FNDC3A: variants seen among roughly 807,000 people sequenced by gnomAD.
FNDC3A encodes fibronectin type III domain containing 3A.
FNDC3A carries 32 observed loss-of-function variants against 148.9 expected under a neutral mutation model. The observed-to-expected ratio is 0.21, with a 90% CI of 0.16 to 0.29. FNDC3A has a LOEUF of 0.29. FNDC3A is among the 10% of genes least tolerant of loss of function. The pLI, the probability that FNDC3A is intolerant of heterozygous loss-of-function variation, is 1.00. For synonymous variants in FNDC3A, 472 were observed against 473.6 expected (o/e 1.00, Z 0.04); for missense variants, 1,191 against 1,452.8 (o/e 0.82, Z 2.93).
At chr13:49,197,904 C>T (rs753685706) in intron 21 of FNDC3A, 30 bp downstream of exon 21, 4 of 1,590,480 alleles carry the variant, frequency 2.5e-6, no homozygotes, top group East Asian at 2.2e-5. Flanking sequence ...TGTCACTTAA[C>T]TCTATCCAGA....
At chr13:48,977,917 C>G (rs895204191) in intron 1 of FNDC3A, among the ~76,000 whole-genome samples, 41 of 151,976 alleles carry the variant, frequency 2.7e-4, no homozygotes, top group Admixed American at 1.9e-3. Context: ...GGCTGGCTAC[C>G]GTTAGCCACC....
At chr13:49,152,669 T>G (rs1308480732) in intron 8 of FNDC3A, among the ~76,000 whole-genome samples, 13 of 51,386 alleles carry the variant, frequency 2.5e-4, no homozygotes, top group Non-Finnish European at 5.0e-4. Flanking sequence ...CCCTCCCCCC[T>G]ACCCCCACCC....
Position 49,209,656 on chromosome 13 carries a change from A to G in FNDC3A, c.*2261A>G, listed in dbSNP as rs1263796210. 6.6e-6 allele frequency: 1 copy of G among 152,584 alleles called. No homozygotes were observed. Among genetic ancestry groups the G allele is most frequent in the Non-Finnish European group, 1.5e-5 (1 of 68,034 alleles). 9.5% of individuals were successfully genotyped at this position (152,584 alleles called of 1,614,324 possible). A position where few individuals can be genotyped will look rare whatever the true frequency, so the allele number is the denominator to read the frequency against. On this transcript the variant is annotated 3_prime_UTR_variant, in exon 26 of 26. Coordinates refer to ENST00000492622, the MANE Select transcript of FNDC3A (RefSeq NM_001079673.2). The stretch of plus-strand genomic sequence containing the variant: ...TACCTGTTTAAGAAAGTGAAATGTT[A>G]TGGTCTCCCCTCTTCCAATGAGCTT...
chr13:49,114,914 C>G (rs1880836626), intron 4 of FNDC3A, among the ~76,000 whole-genome samples, 183 bp downstream of exon 4: 1 of 152,046 alleles, frequency 6.6e-6, no homozygotes, highest in Non-Finnish European at 1.5e-5. Flanking sequence ...TTTTTATTGG[C>G]AGCACTCATC....
intron 2 of FNDC3A, among the ~76,000 whole-genome samples, chr13:49,034,331 G>A (rs542572484): frequency 1.3e-5 from 2 of 151,944 alleles, no homozygotes; most frequent in African/African-American, 4.8e-5. Context: ...CACCTTTAAA[G>A]AGTGTTCTAA....
At chr13:49,163,421 G>A (rs748094001) in intron 8 of FNDC3A, among the ~76,000 whole-genome samples, 1 of 152,230 alleles carries the variant, frequency 6.6e-6, no homozygotes, top group African/African-American at 2.4e-5. Flanking sequence ...GGCTCTGTGG[G>A]CGTGGGACCC....
chr13:48,999,982 TAGC>T (rs1364184874), intron 1 of FNDC3A, among the ~76,000 whole-genome samples: 1 of 152,196 alleles, frequency 6.6e-6, no homozygotes, highest in East Asian at 1.9e-4. Context: ...TTTTTTAAAA[TAGC>T]AGACCAAGCT....
chr13:49,168,107 A>T (rs1884571443), intron 9 of FNDC3A, among the ~76,000 whole-genome samples: 1 of 152,174 alleles, frequency 6.6e-6, no homozygotes, highest in Admixed American at 6.5e-5. Context: ...CTAATATAAC[A>T]CATTTAGTTA....
At chr13:48,987,975 G>C (rs1331209566) in intron 1 of FNDC3A, 1 of 152,180 alleles carries the variant, frequency 6.6e-6, no homozygotes, top group Non-Finnish European at 1.5e-5. Context: ...CATGGCCCCT[G>C]TGCAAGGATG....
intron 2 of FNDC3A, among the ~76,000 whole-genome samples, chr13:49,068,025 T>C (rs555510087): frequency 6.6e-6 from 1 of 152,322 alleles, no homozygotes; most frequent in South Asian, 2.1e-4. Flanking sequence ...TCCTTCAGTC[T>C]ACTTTCAAAA....
At chr13:49,148,785 C>G (rs144227789) in intron 8 of FNDC3A, among the ~76,000 whole-genome samples, 38 of 152,182 alleles carry the variant, frequency 2.5e-4, no homozygotes, top group Non-Finnish European at 4.7e-4. Context: ...ATATAAATTG[C>G]TTTGGACAGT....
intron 2 of FNDC3A, among the ~76,000 whole-genome samples, chr13:49,032,571 C>T (rs1373988179): frequency 1.3e-5 from 2 of 152,164 alleles, no homozygotes; most frequent in Non-Finnish European, 2.9e-5. Context: ...CCCATCTCTA[C>T]TAAAAATACA....
rs1281860587 is a variant in FNDC3A at position 49,209,514 on chromosome 13, A to G, written c.*2119A>G. The G allele has an allele frequency of 6.5e-6, 1 of 152,672 alleles. No individual in the cohort carries two copies. Among genetic ancestry groups the G allele is most frequent in the African/African-American group, 2.4e-5 (1 of 41,460 alleles). 9.5% of individuals were successfully genotyped at this position (152,672 alleles called of 1,614,324 possible). A position where few individuals can be genotyped will look rare whatever the true frequency, so the allele number is the denominator to read the frequency against. ...AATGAACTTCATACAAATGAAAAAAATCTCATAAAAATACATAAACTATGT... is the reference window on the plus strand; with the variant it reads ...AATGAACTTCATACAAATGAAAAAAGTCTCATAAAAATACATAAACTATGT... On this transcript the variant is annotated 3_prime_UTR_variant, in exon 26 of 26. Transcript: ENST00000492622.
Position 49,191,273 on chromosome 13 carries a change from A to C in FNDC3A, c.2115A>C (p.Glu705Asp), listed in dbSNP as rs1263450898. The change falls in exon 19 of 26, where the codon GAA (glutamate) becomes GAC (aspartate). Residue 705 changes from glutamate (E) to aspartate (D), a missense_variant. Glu to Asp is a conservative substitution (Grantham distance 45). Coordinates refer to ENST00000492622, the MANE Select transcript of FNDC3A (RefSeq NM_001079673.2). ...SCYSVEMSPIEKDEPREVYQG... is the reference protein window; with the variant it reads ...SCYSVEMSPIDKDEPREVYQG... ...ACAGTGTGGAAATGTCTCCTATAGA[A>C]AAAGATGAACCTAGAGAAGTTTACC... 6.2e-7 allele frequency: 1 copy of C among 1,613,496 alleles called. No individual in the cohort carries two copies. Among genetic ancestry groups the C allele is most frequent in the Admixed American group, 1.7e-5 (1 of 59,822 alleles).
intron 7 of FNDC3A, among the ~76,000 whole-genome samples, chr13:49,140,993 G>C (rs1367341154): frequency 1.3e-5 from 2 of 152,134 alleles, no homozygotes; most frequent in African/African-American, 4.8e-5. Context: ...CATTTGAAAA[G>C]CACTGGACAT....
At chr13:48,996,683 A>G (rs935785126) in intron 1 of FNDC3A, among the ~76,000 whole-genome samples, 1 of 152,166 alleles carries the variant, frequency 6.6e-6, no homozygotes, top group Non-Finnish European at 1.5e-5. Context: ...ACAACTGCAT[A>G]TGATAGTCTT....
At chr13:49,204,565 T>A (rs1456226736) in intron 25 of FNDC3A, among the ~76,000 whole-genome samples, 1 of 152,198 alleles carries the variant, frequency 6.6e-6, no homozygotes, top group African/African-American at 2.4e-5. Flanking sequence ...ATAATTAGAT[T>A]TGAAATGTAA....
At chr13:49,023,103 C>A (rs1355644317) in intron 2 of FNDC3A, among the ~76,000 whole-genome samples, 1 of 151,882 alleles carries the variant, frequency 6.6e-6, no homozygotes, top group Non-Finnish European at 1.5e-5. Flanking sequence ...ATCAGATTTA[C>A]AAATTGGGTG....
In FNDC3A at chr13:49,045,469, T is replaced by A. The variant is rs997662860; in HGVS notation, c.100-29820T>A. 3 of 195,230 alleles carry A rather than the reference T, an allele frequency of 1.5e-5. No individual in the cohort carries two copies. In the East Asian group the frequency reaches 3.8e-4, roughly 25 times the overall value. The allele number at this position is 195,230 out of a possible 1,614,324, so 12.1% of individuals were successfully genotyped here. A position where few individuals can be genotyped will look rare whatever the true frequency, so the allele number is the denominator to read the frequency against. ...CACCCAGCCAAGATATCTACTTTCA[T>A]TAAAAAAAAATCCCTGTAGTTTTGG... is the stretch of plus-strand genomic sequence containing the variant. On this transcript the variant is annotated intron_variant, in intron 2 of 25. Coordinates refer to ENST00000492622, the MANE Select transcript of FNDC3A (RefSeq NM_001079673.2).
Sources: allele counts gnomAD v4.1 joint callset (sites outside exome capture counted in the v4.1 genomes callset), GRCh38; gene constraint gnomAD v4.1.1; transcripts MANE v1.5; gene names NCBI Gene and HGNC (gene_info 2026-07-23, HGNC 2026-07-21).